GMEB1: variants seen among roughly 807,000 people sequenced by gnomAD.
GMEB1 encodes the protein glucocorticoid modulatory element-binding protein 1.
A neutral mutation model predicts 52.4 loss-of-function variants in GMEB1; 6 were observed. That is an observed-to-expected ratio of 0.11 (90% CI 0.06 to 0.23). The LOEUF (loss-of-function observed/expected upper bound fraction) is 0.23, where lower values mean the gene tolerates loss of function less well. Among genes scored for constraint, GMEB1 ranks in the 10% least tolerant of loss-of-function variants. The pLI, the probability that GMEB1 is intolerant of heterozygous loss-of-function variation, is 1.00. For synonymous variants in GMEB1, 255 were observed against 244.9 expected, an observed-to-expected ratio of 1.04 and a Z score of -0.38; for missense variants, 486 against 685.6, an observed-to-expected ratio of 0.71 and a Z score of 3.25.
At chr1:28,692,020 T>C (rs1570407200) in intron 4 of GMEB1, among the ~76,000 whole-genome samples, 2 of 149,556 alleles carry the variant, frequency 1.3e-5, no homozygotes, top group South Asian at 4.2e-4. Flanking sequence ...GGCTTTCTTT[T>C]TTTTTTTTTT....
At chr1:28,707,455 G>T (rs995512750) in intron 8 of GMEB1, among the ~76,000 whole-genome samples, 1 of 152,028 alleles carries the variant, frequency 6.6e-6, no homozygotes, top group African/African-American at 2.4e-5. Flanking sequence ...GATTAGAGTG[G>T]GTAGCGGTAA....
intron 7 of GMEB1, 52 bp from the exon 8 acceptor site, chr1:28,704,140 G>A: frequency 1.3e-6 from 2 of 1,482,716 alleles, no homozygotes; most frequent in South Asian, 1.3e-5. Flanking sequence ...ATTTGCCTAA[G>A]TATCTAGGTA....
At chr1:28,688,298 C>T (rs1669787453) in intron 2 of GMEB1, among the ~76,000 whole-genome samples, 1 of 152,126 alleles carries the variant, frequency 6.6e-6, no homozygotes, top group African/African-American at 2.4e-5. Context: ...AACAAACACA[C>T]ATACAAATGT....
chr1:28,712,761 T>A (rs1352284821), intron 9 of GMEB1, among the ~76,000 whole-genome samples: 7 of 151,602 alleles, frequency 4.6e-5, no homozygotes, highest in Admixed American at 3.9e-4. Flanking sequence ...TGCTTGAACC[T>A]GGGAGGCGGA....
At chr1:28,686,616 G>A (rs1176354892) in intron 2 of GMEB1, among the ~76,000 whole-genome samples, 1 of 129,174 alleles carries the variant, frequency 7.7e-6, no homozygotes, top group African/African-American at 3.0e-5. Context: ...GTGACAGAGT[G>A]AGATTCTGTC....
chr1:28,674,200 T>G, intron 1 of GMEB1, among the ~76,000 whole-genome samples: 1 of 147,076 alleles, frequency 6.8e-6, no homozygotes. Flanking sequence ...ATGAGCAGGG[T>G]TGGTGGTTGG....
At chr1:28,683,419 T>A (rs1669486980) in intron 1 of GMEB1, 164 bp from the exon 2 acceptor site, 1 of 510,388 alleles carries the variant, frequency 2.0e-6, no homozygotes, top group Non-Finnish European at 3.5e-6. Flanking sequence ...AGAGACAGAT[T>A]TCTCCATGTT....
At chr1:28,689,335 T>C (rs538228664) in intron 2 of GMEB1, among the ~76,000 whole-genome samples, 115 of 152,058 alleles carry the variant, frequency 7.6e-4, no homozygotes, top group African/African-American at 2.6e-3. Context: ...CCATTTAAAG[T>C]TATGAAAGGA....
At chr1:28,690,350 C>T (rs758703807) in intron 3 of GMEB1, among the ~76,000 whole-genome samples, 164 bp downstream of exon 3, 1 of 151,734 alleles carries the variant, frequency 6.6e-6, no homozygotes, top group Non-Finnish European at 1.5e-5. Context: ...GGTGGTACAT[C>T]TTGAGACACC....
At chr1:28,699,991 C>T (rs912142201) in intron 6 of GMEB1, among the ~76,000 whole-genome samples, 3 of 144,170 alleles carry the variant, frequency 2.1e-5, no homozygotes, top group Admixed American at 7.3e-5. Flanking sequence ...GGGAAGATCA[C>T]GTATCAGTGA....
At chr1:28,701,511 G>A (rs1163138561) in intron 6 of GMEB1, among the ~76,000 whole-genome samples, 1 of 151,916 alleles carries the variant, frequency 6.6e-6, no homozygotes, top group African/African-American at 2.4e-5. Context: ...CTCGTGATCC[G>A]CCCACCTCGG....
At chr1:28,710,316 T>C (rs945539502) in intron 8 of GMEB1, among the ~76,000 whole-genome samples, 2 of 152,232 alleles carry the variant, frequency 1.3e-5, no homozygotes, top group East Asian at 3.8e-4. Context: ...GATCTTTGTA[T>C]TTATTTATAT....
chr1:28,708,959 A>G (rs1490630450), intron 8 of GMEB1, among the ~76,000 whole-genome samples: 1 of 151,942 alleles, frequency 6.6e-6, no homozygotes, highest in Non-Finnish European at 1.5e-5. Context: ...GTGAAACCCC[A>G]TCTCTTCTAA....
In GMEB1 at chr1:28,714,080, A is replaced by T; in HGVS notation, c.999A>T (p.Glu333Asp). ...TTTTCTTTTTTTCCATAGACTTGGAACGCCAGTTGGAGGAGCAGAAGAAGC... is the reference window on the plus strand; with the variant it reads ...TTTTCTTTTTTTCCATAGACTTGGATCGCCAGTTGGAGGAGCAGAAGAAGC... ...EQFLYTLTDL[E>D]RQLEEQKKQG... The change falls in exon 10 of 10, where the codon GAA (glutamate) becomes GAT (aspartate). Residue 333 changes from glutamate to aspartate, a missense_variant. Glu to Asp is a conservative substitution (Grantham distance 45, BLOSUM62 2). Around this residue, in one of 5 missense-constraint regions of GMEB1, gnomAD observed 200 missense variants for 253.5 expected, o/e 0.79. Coordinates refer to ENST00000373816, the MANE Select transcript of GMEB1 (RefSeq NM_001319674.2). The T allele has an allele frequency of 1.2e-6, 2 of 1,607,662 alleles. No individual in the cohort carries two copies. The highest frequency in any genetic ancestry group is 1.7e-6 in the Non-Finnish European group (2 of 1,175,100).
chr1:28,674,608 G>T (rs1361966414), intron 1 of GMEB1, among the ~76,000 whole-genome samples: 2 of 151,382 alleles, frequency 1.3e-5, no homozygotes, highest in Non-Finnish European at 2.9e-5. Flanking sequence ...TTGTCAGGCT[G>T]GTCTCTTAAC....
Position 28,687,377 on chromosome 1 carries a change from C to CA in GMEB1, c.129-2726dup, listed in dbSNP as rs1260455703. On this transcript the variant is annotated intron_variant, in intron 2 of 9. Transcript: ENST00000373816. The stretch of plus-strand genomic sequence containing the variant: ...ACACACACACACACACACACACACA[C>CA]ACACACACACAAAAAAAGACAGTGG... Among the ~76,000 whole-genome samples the CA allele has an allele frequency of 4.7e-4, 7 of 14,792 alleles. 1 individual carries two copies. Among genetic ancestry groups the CA allele is most frequent in the Non-Finnish European group, 1.1e-3 (7 of 6,388 alleles). 9.7% of individuals were successfully genotyped at this position (14,792 alleles called of 152,430 possible).
rs1345850785 is a variant in GMEB1 at position 28,719,046 on chromosome 1, C to T, written c.*4273C>T. ...GCAGAGTCAGCAACATGGGCAGTCT[C>T]CCCACTGGAGAACGCTGAGTCATGC... On this transcript the variant is annotated 3_prime_UTR_variant, in exon 10 of 10. Coordinates refer to ENST00000373816, the MANE Select transcript of GMEB1 (RefSeq NM_001319674.2). The T allele has an allele frequency of 6.6e-6, 1 of 152,212 alleles. No homozygotes were observed. The highest frequency in any genetic ancestry group is 1.5e-5 in the Non-Finnish European group (1 of 68,030). 9.4% of individuals were successfully genotyped at this position (152,212 alleles called of 1,614,324 possible).
chr1:28,710,740 TA>T (rs397754554), intron 9 of GMEB1, 98 bp downstream of exon 9: 10 of 775,334 alleles, frequency 1.3e-5, no homozygotes, highest in Non-Finnish European at 1.5e-5. Context: ...TTTTTTTTTT[TA>T]AATAGTATCA....
At position 28,690,203 on chromosome 1, in the gene GMEB1, GTTTTTT is replaced by G. The variant is rs878890649; in HGVS notation, c.211+33_211+38del. ...AAGGGATTGGTAAGGGTTTTTTTGTGTTTTTTTTTTTTTTTTTTTTTGTCATTCTAA... is the reference window on the plus strand; with the variant it reads ...AAGGGATTGGTAAGGGTTTTTTTGTGTTTTTTTTTTTTTTTGTCATTCTAA... On this transcript the variant is annotated intron_variant, in intron 3 of 9. Transcript: ENST00000373816. The G allele has an allele frequency of 1.9e-4, 97 of 515,944 alleles. No homozygotes were observed. The highest frequency in any genetic ancestry group is 4.0e-4 in the South Asian group (17 of 42,614). 32.0% of individuals were successfully genotyped at this position (515,944 alleles called of 1,614,324 possible).
Sources: gnomAD v4.1 joint callset for allele counts (sites outside exome capture counted in the v4.1 genomes callset) on GRCh38, gnomAD v4.1.1 for gene constraint, gnomAD v4.1.1 regional missense constraint, MANE v1.5 for transcripts, NCBI Gene and HGNC (gene_info 2026-07-23, HGNC 2026-07-21) for gene names.